CACNA1S: variants seen among roughly 807,000 people sequenced by gnomAD.
CACNA1S encodes the protein calcium voltage-gated channel subunit alpha1 S, also known as voltage-dependent L-type calcium channel subunit alpha-1S.
A neutral mutation model predicts 207.4 loss-of-function variants in CACNA1S; 126 were observed. That is an observed-to-expected ratio of 0.61 (90% CI 0.53 to 0.70). The LOEUF (loss-of-function observed/expected upper bound fraction) is 0.70. Ranked by LOEUF, CACNA1S falls within the 30% of genes least tolerant of loss-of-function variation. The pLI, the probability that CACNA1S is intolerant of heterozygous loss-of-function variation, is 0.00. For synonymous variants in CACNA1S, 960 were observed against 932.7 expected, an observed-to-expected ratio of 1.03 and a Z score of -0.53; for missense variants, 2,349 against 2,422.8, an observed-to-expected ratio of 0.97 and a Z score of 0.64.
At chr1:201,075,028 G>A (rs1022586884) in intron 13 of CACNA1S, among the ~76,000 whole-genome samples, 25 of 152,086 alleles carry the variant, frequency 1.6e-4, no homozygotes, top group Admixed American at 9.2e-4. Flanking sequence ...GTAACTCTCC[G>A]GCCCCATCCA....
chr1:201,067,296 C>T (rs1377425178), intron 19 of CACNA1S, among the ~76,000 whole-genome samples: 4 of 152,190 alleles, frequency 2.6e-5, no homozygotes, highest in African/African-American at 9.7e-5. Context: ...CCTGGCCCTA[C>T]TGTCTCCTGT....
At chr1:201,089,851 A>C (rs540892072) in intron 5 of CACNA1S, among the ~76,000 whole-genome samples, 1 of 152,268 alleles carries the variant, frequency 6.6e-6, no homozygotes, top group East Asian at 1.9e-4. Flanking sequence ...CTGACTTGAG[A>C]GTTCTGTCTG....
chr1:201,104,130 G>T (rs1193458492), intron 2 of CACNA1S, among the ~76,000 whole-genome samples: 1 of 152,220 alleles, frequency 6.6e-6, no homozygotes, highest in African/African-American at 2.4e-5. Context: ...TTTATAACAG[G>T]CCTGGCCAAG....
chr1:201,056,066 G>GACAC (rs1350288817), intron 28 of CACNA1S, among the ~76,000 whole-genome samples: 68 of 68,352 alleles, frequency 9.9e-4, no homozygotes, highest in East Asian at 4.4e-3. Context: ...CAGACAGACA[G>GACAC]ACAGACACAC....
chr1:201,092,489 A>G (rs1408270615), intron 3 of CACNA1S, among the ~76,000 whole-genome samples: 3 of 152,156 alleles, frequency 2.0e-5, no homozygotes, highest in African/African-American at 7.2e-5. Context: ...AAGAAACTCC[A>G]CAGCAAGTTC....
chr1:201,090,866 G>A (rs1186826819), intron 5 of CACNA1S, among the ~76,000 whole-genome samples: 2 of 152,142 alleles, frequency 1.3e-5, no homozygotes, highest in Non-Finnish European at 2.9e-5. Context: ...GTGTAAAATA[G>A]CGTCACCACT....
intron 2 of CACNA1S, among the ~76,000 whole-genome samples, chr1:201,103,942 G>C (rs1264734680): frequency 6.6e-6 from 1 of 152,240 alleles, no homozygotes; most frequent in Non-Finnish European, 1.5e-5. Context: ...AAGCCACCCT[G>C]CAGCCCAGGA....
rs202217590 is a variant in CACNA1S at position 201,083,230 on chromosome 1, A to G, written c.1325T>C (p.Val442Ala). The change falls in exon 10 of 44, where the codon GTT (valine) becomes GCT (alanine). Residue 442 changes from valine to alanine, a missense_variant. Coordinates refer to ENST00000362061, the MANE Select transcript of CACNA1S (RefSeq NM_000069.3). Reference protein sequence around the residue: ...KVFYWLVILIVALNTLSIASE... With the variant: ...KVFYWLVILIAALNTLSIASE... Reference sequence around the variant, plus strand: ...GGCGATAGACAGGGTGTTGAGGGCAACGATGAGAATCACCAGCCAATAGAA... The same window carrying G: ...GGCGATAGACAGGGTGTTGAGGGCAGCGATGAGAATCACCAGCCAATAGAA... 157 of 1,614,206 alleles carry G rather than the reference A, an allele frequency of 9.7e-5. No individual in the cohort carries two copies. Among genetic ancestry groups the G allele is most frequent in the Non-Finnish European group, 6.0e-5 (71 of 1,180,030 alleles).
intron 9 of CACNA1S, 137 bp from the exon 10 acceptor site, chr1:201,083,459 G>T: frequency 1.2e-6 from 1 of 843,724 alleles, no homozygotes; most frequent in Non-Finnish European, 2.0e-6. Context: ...GAAGCTCAGG[G>T]CATGAGCTAG....
At chr1:201,064,951 C>T (rs12565866) in intron 22 of CACNA1S, among the ~76,000 whole-genome samples, 59 of 152,198 alleles carry the variant, frequency 3.9e-4, no homozygotes, top group Non-Finnish European at 7.5e-4. Context: ...CTGACGGAGG[C>T]GGAGTGTGGG....
At position 201,053,318 on chromosome 1, in the gene CACNA1S, C is replaced by T. The variant is rs1341427574; in HGVS notation, c.3796-44G>A. ...CGCCAGTCAGTGTCTTAGGGCTCCA[C>T]TGTGTGTCTGCAGCCCTGCCCTCTG... is the stretch of plus-strand genomic sequence containing the variant. On this transcript the variant is annotated intron_variant, in intron 30 of 43. Transcript: ENST00000362061. This position sits in a 1 kb window ranked among gnomAD's most constrained non-coding sequence, Gnocchi z 5.1. 3.1e-6 allele frequency: 5 copies of T among 1,610,986 alleles called. No individual in the cohort carries two copies. Among genetic ancestry groups the T allele is most frequent in the Non-Finnish European group, 4.2e-6 (5 of 1,177,726 alleles).
intron 2 of CACNA1S, among the ~76,000 whole-genome samples, chr1:201,100,645 G>A (rs1662617962): frequency 6.6e-6 from 1 of 152,164 alleles, no homozygotes; most frequent in Non-Finnish European, 1.5e-5. Flanking sequence ...GACACACCAG[G>A]GCTGACTAGA....
intron 2 of CACNA1S, among the ~76,000 whole-genome samples, chr1:201,101,960 C>G (rs1662686280): frequency 6.6e-6 from 1 of 151,996 alleles, no homozygotes; most frequent in Non-Finnish European, 1.5e-5. Context: ...GAGATGAAGC[C>G]CTCACCTCTC....
At chr1:201,092,169 C>T in intron 3 of CACNA1S, 55 bp from the exon 4 acceptor site, 1 of 1,609,362 alleles carries the variant, frequency 6.2e-7, no homozygotes, top group Non-Finnish European at 8.5e-7. Context: ...GCCACTGCCC[C>T]AGTGGTCTGA....
At chr1:201,105,602 T>A (rs1284577063) in intron 2 of CACNA1S, among the ~76,000 whole-genome samples, 1 of 152,166 alleles carries the variant, frequency 6.6e-6, no homozygotes, top group Non-Finnish European at 1.5e-5. Flanking sequence ...GATGTCAGCA[T>A]CCTGGATCCT....
intron 7 of CACNA1S, 95 bp from the exon 8 acceptor site, chr1:201,085,676 A>C: frequency 2.1e-6 from 3 of 1,446,716 alleles, no homozygotes; most frequent in Non-Finnish European, 2.9e-6. Context: ...CCATTCTGTG[A>C]CTGGAGCGCT....
Position 201,091,728 on chromosome 1 carries a change from C to G in CACNA1S, c.606G>C (p.Leu202=), listed in dbSNP as rs765114075. ...AMLPLFHIAL[L]VLFMVIIYAI... ...CATAGATGATGACCATAAAGAGGAC[C>G]AGCAGGGCGATGTGAAAGAGGGGGA... Residue 202 remains leucine (L), a synonymous_variant, in exon 5 of 44, where the codon CTG becomes CTC. Transcript: ENST00000362061. 1.9e-6 allele frequency: 3 copies of G among 1,614,106 alleles called. No individual in the cohort carries two copies. Among genetic ancestry groups the G allele is most frequent in the Non-Finnish European group, 2.5e-6 (3 of 1,179,944 alleles).
intron 10 of CACNA1S, among the ~76,000 whole-genome samples, chr1:201,078,318 ATCAAGTGATCC>A (rs1661709123): frequency 6.6e-6 from 1 of 152,050 alleles, no homozygotes. Context: ...ACTTCCCAGG[ATCAAGTGATCC>A]TCCCCACTAC....
intron 14 of CACNA1S, 77 bp from the exon 15 acceptor site, chr1:201,073,719 A>T (rs1661501535): frequency 6.1e-6 from 7 of 1,138,926 alleles, no homozygotes; most frequent in Non-Finnish European, 9.4e-6. Flanking sequence ...CACCTTCAGG[A>T]GGATCCCACA....
Sources: gnomAD v4.1 joint callset for allele counts (sites outside exome capture counted in the v4.1 genomes callset) on GRCh38, gnomAD v4.1.1 for gene constraint, Gnocchi (gnomAD v3.1) non-coding constraint, MANE v1.5 for transcripts, NCBI Gene and HGNC (gene_info 2026-07-23, HGNC 2026-07-21) for gene names.